SACS: variants seen among roughly 807,000 people sequenced by gnomAD.
SACS encodes sacsin molecular chaperone, also known as sacsin.
Under a neutral mutation model 348.0 loss-of-function variants are expected in SACS, and 197 were observed. That is an observed-to-expected ratio of 0.57 (90% CI 0.50 to 0.64). SACS has a LOEUF of 0.64. Ranked by LOEUF, SACS falls within the 30% of genes least tolerant of loss-of-function variation. The pLI is 0.00. For synonymous variants in SACS, 1,985 were observed against 1,910.6 expected, an observed-to-expected ratio of 1.04 and a Z score of -1.02; for missense variants, 4,999 against 5,360.8, an observed-to-expected ratio of 0.93 and a Z score of 2.11.
At chr13:23,372,003 A>T (rs2709236) in intron 3 of SACS, among the ~76,000 whole-genome samples, 16,455 of 151,932 alleles carry the variant, frequency 0.11, 930 homozygotes, top group South Asian at 0.13. Context: ...TTTGAAAAAA[A>T]TTTTTTTTTA....
In SACS at chr13:23,355,234, G is replaced by T. The variant is rs145213666; in HGVS notation, c.1378C>A (p.Leu460Ile). 6.2e-7 allele frequency: 1 copy of T among 1,614,186 alleles called. No individual in the cohort carries two copies. Among genetic ancestry groups the T allele is most frequent in the East Asian group, 2.2e-5 (1 of 44,872 alleles). ...AAGAACCCACTGATGTGAACTGGGA[G>T]GCCTGTGCTGCTTTCCTCACCAGGT... ...LPPGEESSTG[L>I]PVHISGFFGL... The change falls in exon 8 of 10, where the codon CTC (leucine) becomes ATC (isoleucine). Residue 460 changes from leucine (L) to isoleucine (I), a missense_variant. Physicochemically the swap from Leu to Ile is conservative, Grantham distance 5. Around this residue, in one of 6 missense-constraint regions of SACS, gnomAD observed 3,156 missense variants for 3,380.1 expected, o/e 0.93. Transcript: ENST00000382292.
intron 3 of SACS, chr13:23,374,192 G>C (rs531523538): frequency 3.9e-5 from 6 of 152,390 alleles, no homozygotes; most frequent in African/African-American, 1.4e-4. Context: ...AAGGACTGAT[G>C]AATCCCCCGA....
chr13:23,387,630 T>C (rs889418558), intron 2 of SACS, among the ~76,000 whole-genome samples: 27 of 152,176 alleles, frequency 1.8e-4, no homozygotes, highest in Non-Finnish European at 1.3e-4. Context: ...GGCTGGTTTT[T>C]AAACCATTTA....
rs1029280018 is a variant in SACS at position 23,330,078 on chromosome 13, A to C, written c.*58T>G. ...TTGGCAATGAAGCTTAATGAAGTAC[A>C]GCAATTTATTCGTGCTACAACACAT... is the stretch of plus-strand genomic sequence containing the variant. On this transcript the variant is annotated 3_prime_UTR_variant, in exon 10 of 10. Coordinates refer to ENST00000382292, the MANE Select transcript of SACS (RefSeq NM_014363.6). 1.7e-5 allele frequency: 25 copies of C among 1,458,966 alleles called. No homozygotes were observed. The highest frequency in any genetic ancestry group is 2.3e-5 in the Non-Finnish European group (24 of 1,048,594). 90.4% of individuals were successfully genotyped at this position (1,458,966 alleles called of 1,614,324 possible).
At position 23,338,595 on chromosome 13, in the gene SACS, G is replaced by A. The variant is rs1555252142; in HGVS notation, c.5281C>T (p.Gln1761Ter). Reference sequence around the variant, plus strand: ...TGGTGAAATTCTTCCACTGTGATCTGAAGAATGCAAGATGACTTTGGTTCA... The same window carrying A: ...TGGTGAAATTCTTCCACTGTGATCTAAAGAATGCAAGATGACTTTGGTTCA... ...SDEPKSSCILQITVEEFHHVF... is the reference protein window; with the variant it reads ...SDEPKSSCIL The change falls in exon 10 of 10, where the codon CAG (glutamine) becomes TAG (stop). Residue 1761 changes from glutamine to a stop codon, truncating the protein, a stop_gained. Coordinates refer to ENST00000382292, the MANE Select transcript of SACS (RefSeq NM_014363.6). LOFTEE classifies it high-confidence loss of function. 6.2e-7 allele frequency: 1 copy of A among 1,614,128 alleles called. No homozygotes were observed. The highest frequency in any genetic ancestry group is 8.5e-7 in the Non-Finnish European group (1 of 1,180,010).
At chr13:23,425,236 C>G (rs1874120857) in intron 1 of SACS, among the ~76,000 whole-genome samples, 2 of 151,704 alleles carry the variant, frequency 1.3e-5, no homozygotes, top group African/African-American at 4.8e-5. Context: ...CCTATGTGTC[C>G]ACCTGGGACC....
rs1174249638 is a variant in SACS, at chr13:23,339,301, G to C, written c.4575C>G (p.Phe1525Leu). ...CTGAATCTGAGAATTGAGAATTGTT[G>C]AATGACCACAAAGCAGGTCCATGAC... The part of the protein sequence containing the change: ...AACHGPALWS[F>L]NNSQFSDSDF... Residue 1525 changes from phenylalanine (F) to leucine (L), a missense_variant, in exon 10 of 10, where the codon TTC becomes TTG. Physicochemically the swap from Phe to Leu is conservative, Grantham distance 22 (BLOSUM62 0). This residue lies in a region of SACS where 3,156 missense variants were observed against 3,380.1 expected (regional missense o/e 0.93). Coordinates refer to ENST00000382292, the MANE Select transcript of SACS (RefSeq NM_014363.6). 2.7e-5 allele frequency: 43 copies of C among 1,608,906 alleles called. No homozygotes were observed. The highest frequency in any genetic ancestry group is 3.7e-5 in the Non-Finnish European group (43 of 1,177,816).
At chr13:23,426,212 TAA>T (rs1023440146) in intron 1 of SACS, among the ~76,000 whole-genome samples, 1 of 152,146 alleles carries the variant, frequency 6.6e-6, no homozygotes, top group African/African-American at 2.4e-5. Flanking sequence ...AGTTAATTTA[TAA>T]AGTTTATTTT....
chr13:23,375,555 G>A (rs1209496125), intron 2 of SACS: 4 of 1,055,776 alleles, frequency 3.8e-6, no homozygotes, highest in Non-Finnish European at 3.4e-6. Context: ...CGGGGGCGGG[G>A]ACTGCGCGCT....
chr13:23,337,714 T>C lies in SACS; in HGVS notation c.6162A>G (p.Lys2054=). 6.2e-7 allele frequency: 1 copy of C among 1,613,152 alleles called. No individual in the cohort carries two copies. The change falls in exon 10 of 10, where the codon AAA becomes AAG. Residue 2054 remains lysine, a synonymous_variant. Coordinates refer to ENST00000382292, the MANE Select transcript of SACS (RefSeq NM_014363.6). ...GAAAAAACACTTCAGAAAAAAACTGTTTCTCTGAAAATGTGTTTTCAAGTA... is the reference window on the plus strand; with the variant it reads ...GAAAAAACACTTCAGAAAAAAACTGCTTCTCTGAAAATGTGTTTTCAAGTA... ...QILLENTFSE[K]QFFSEVFFPN... is the part of the protein sequence containing the mutation.
At chr13:23,371,455 TAAAC>T (rs993848318) in intron 3 of SACS, among the ~76,000 whole-genome samples, 3 of 152,222 alleles carry the variant, frequency 2.0e-5, no homozygotes, top group African/African-American at 7.2e-5. Context: ...ATCATTAACA[TAAAC>T]AAAATCATTC....
Position 23,336,022 on chromosome 13 carries a change from T to C in SACS, c.7854A>G (p.Lys2618=). The C allele has an allele frequency of 6.2e-7, 1 of 1,612,766 alleles. No individual in the cohort carries two copies. The highest frequency in any genetic ancestry group is 8.5e-7 in the Non-Finnish European group (1 of 1,178,888). Residue 2618 remains lysine, a synonymous_variant, in exon 10 of 10, where the codon AAA becomes AAG. Transcript: ENST00000382292. ...GKGTKEGNPY[K]TGQYGIGFNS... is the part of the protein sequence containing the mutation. ...TGAATCCTATTCCATACTGTCCAGT[T>C]TTATAAGGATTTCCCTCTTTCGTGC...
intron 3 of SACS, among the ~76,000 whole-genome samples, 177 bp downstream of exon 3, chr13:23,374,942 G>T (rs1043597891): frequency 1.3e-4 from 20 of 152,202 alleles, no homozygotes; most frequent in African/African-American, 4.6e-4. Context: ...CGGGGTGGGG[G>T]ATGCAAACGG....
chr13:23,333,507 T>A lies in SACS; in HGVS notation c.10369A>T (p.Ile3457Leu). The A allele has an allele frequency of 6.2e-7, 1 of 1,613,502 alleles. No homozygotes were observed. Among genetic ancestry groups the A allele is most frequent in the Non-Finnish European group, 8.5e-7 (1 of 1,179,614 alleles). ...ACCTCATATAGTTCTTTTAAGTGTA[T>A]TTTTTCTTCAAGAAATGCAGATGAT... is the stretch of plus-strand genomic sequence containing the variant. Reference protein sequence around the residue: ...SSSSAFLEEKIHLKELYEVIG... With the variant: ...SSSSAFLEEKLHLKELYEVIG... Residue 3457 changes from isoleucine to leucine, a missense_variant, in exon 10 of 10, where the codon ATA becomes TTA. Ile to Leu is a conservative substitution (Grantham distance 5). Around this residue, in one of 6 missense-constraint regions of SACS, gnomAD observed 734 missense variants for 694.0 expected, o/e 1.06. Transcript: ENST00000382292.
chr13:23,411,999 C>A (rs1873500526), intron 1 of SACS, among the ~76,000 whole-genome samples: 17 of 152,210 alleles, frequency 1.1e-4, no homozygotes, highest in Admixed American at 1.1e-3. Flanking sequence ...GTGGCTCACG[C>A]CTGTAATCCC....
chr13:23,393,199 GA>G (rs1872594401), intron 2 of SACS, among the ~76,000 whole-genome samples: 1 of 152,218 alleles, frequency 6.6e-6, no homozygotes, highest in African/African-American at 2.4e-5. Flanking sequence ...AGGACACCCA[GA>G]AATAGCTGGG....
rs139242482 is a variant in SACS at position 23,337,588 on chromosome 13, T to A, written c.6288A>T (p.Pro2096=). 4 of 1,613,818 alleles carry A rather than the reference T, an allele frequency of 2.5e-6. No homozygotes were observed. The African/African-American group carries it at 5.3e-5, about 22-fold the overall frequency. Residue 2096 remains proline, a synonymous_variant, in exon 10 of 10, where the codon CCA becomes CCT. Transcript: ENST00000382292. The stretch of plus-strand genomic sequence containing the variant: ...GCCCCTCCAAGGAACAAGGAATACA[T>A]GGAGTAACACGAAGAACTCCCGAGA... The part of the protein sequence containing the change: ...DEFSGVLRVT[P]CIPCSLEGHP...
intron 1 of SACS, among the ~76,000 whole-genome samples, chr13:23,426,411 C>T (rs1054373517): frequency 9.2e-5 from 14 of 152,212 alleles, no homozygotes; most frequent in African/African-American, 3.4e-4. Flanking sequence ...GAAGCCAAGG[C>T]GGGCAGATCA....
intron 2 of SACS, among the ~76,000 whole-genome samples, chr13:23,382,191 T>G (rs538194948): frequency 6.6e-6 from 1 of 152,240 alleles, no homozygotes. Flanking sequence ...TCTCGCTTTG[T>G]TGCCCAGGCT....
Sources: gnomAD v4.1 joint callset for allele counts (sites outside exome capture counted in the v4.1 genomes callset) on GRCh38, gnomAD v4.1.1 for gene constraint, gnomAD v4.1.1 regional missense constraint, MANE v1.5 for transcripts, NCBI Gene and HGNC (gene_info 2026-07-23, HGNC 2026-07-21) for gene names.